Variants in IRX3 observed in about 807,000 individuals in gnomAD.
The protein encoded by IRX3 is iroquois homeobox 3, also known as iroquois-class homeodomain protein IRX-3.
A neutral mutation model predicts 36.4 loss-of-function variants in IRX3; 20 were observed. The observed-to-expected ratio is 0.55, with a 90% CI of 0.39 to 0.80. IRX3 has a LOEUF of 0.80. Among genes scored for constraint, IRX3 ranks in the 30% least tolerant of loss-of-function variants. The pLI is 0.00. For synonymous variants in IRX3, 404 were observed against 351.6 expected, an observed-to-expected ratio of 1.15 and a Z score of -1.67; for missense variants, 718 against 733.2, an observed-to-expected ratio of 0.98 and a Z score of 0.24.
chr16:54,285,261 C>T lies in IRX3; in HGVS notation c.620G>A (p.Gly207Glu). Residue 207 changes from glycine (G) to glutamate (E), a missense_variant, in exon 2 of 4, where the codon GGG (glycine) becomes GAG (glutamate). Physicochemically the swap from Gly to Glu is moderately conservative, Grantham distance 98 (BLOSUM62 -2). Transcript: ENST00000329734. This position sits in a 1 kb window ranked among gnomAD's most constrained non-coding sequence, Gnocchi z 5.7. ...TTCGTCTTCCTCCTCGCGCTCGCTCCCATAAGCGTTTCCCTCCTCGTCAGT... is the reference window on the plus strand; with the variant it reads ...TTCGTCTTCCTCCTCGCGCTCGCTCTCATAAGCGTTTCCCTCCTCGTCAGT... ...SRTDEEGNAY[G>E]SEREEEDEEE... 6.2e-7 allele frequency: 1 copy of T among 1,613,996 alleles called. No individual in the cohort carries two copies. The highest frequency in any genetic ancestry group is 8.5e-7 in the Non-Finnish European group (1 of 1,179,972).
chr16:54,284,184 C>T lies in IRX3; in HGVS notation c.1451+62G>A. ...GGGGCAAAAGGCCGTGCGTGGTGCT[C>T]GGCGTCCTCTCCTTTCCCCGCCAGC... On this transcript the variant is annotated intron_variant, in intron 3 of 3. Transcript: ENST00000329734. This position sits in a 1 kb window ranked among gnomAD's most constrained non-coding sequence, Gnocchi z 4.0. 1 of 1,490,640 alleles carries T rather than the reference C, an allele frequency of 6.7e-7. No homozygotes were observed. The highest frequency in any genetic ancestry group is 2.3e-5 in the East Asian group (1 of 43,240). 92.3% of individuals were successfully genotyped at this position (1,490,640 alleles called of 1,614,324 possible). A position where few individuals can be genotyped will look rare whatever the true frequency, so the allele number is the denominator to read the frequency against.
rs200154451 is a variant in IRX3 at position 54,283,672 on chromosome 16, T to C, written c.*14A>G. The C allele has an allele frequency of 2.8e-5, 34 of 1,223,890 alleles. No homozygotes were observed. The East Asian group carries it at 7.0e-4, about 25-fold the overall frequency. 75.8% of individuals were successfully genotyped at this position (1,223,890 alleles called of 1,614,324 possible). A position where few individuals can be genotyped will look rare whatever the true frequency, so the allele number is the denominator to read the frequency against. On this transcript the variant is annotated 3_prime_UTR_variant, in exon 4 of 4. Coordinates refer to ENST00000329734, the MANE Select transcript of IRX3 (RefSeq NM_024336.3). The surrounding 1 kb of genome is among the most constrained non-coding windows in gnomAD (Gnocchi z 4.4). ...AAAAAAAGTTTTTTTTGTTTTTTTG[T>C]TTTTTTTAAAGAACTAGGATGAGGA...
In IRX3 at chr16:54,285,687, C is replaced by T. The variant is rs1002416632; in HGVS notation, c.268-74G>A. 3.2e-4 allele frequency: 472 copies of T among 1,460,024 alleles called. No individual in the cohort carries two copies. The highest frequency in any genetic ancestry group is 4.2e-4 in the Middle Eastern group (2 of 4,802). The allele number at this position is 1,460,024 out of a possible 1,614,324, so 90.4% of individuals were successfully genotyped here. A position where few individuals can be genotyped will look rare whatever the true frequency, so the allele number is the denominator to read the frequency against. On this transcript the variant is annotated intron_variant, in intron 1 of 3. Transcript: ENST00000329734. The surrounding 1 kb of genome is among the most constrained non-coding windows in gnomAD (Gnocchi z 5.7). ...GAGCCCCAGCCATCGCTGCCTCCCC[C>T]CTCCTGGCCTGCACCCCTCTAGTCC...
At position 54,283,654 on chromosome 16, in the gene IRX3, GT is replaced by G. The variant is rs202000036; in HGVS notation, c.*31del. 1.9e-5 allele frequency: 20 copies of G among 1,041,482 alleles called. No homozygotes were observed. The highest frequency in any genetic ancestry group is 9.8e-5 in the Admixed American group (5 of 51,016). 64.5% of individuals were successfully genotyped at this position (1,041,482 alleles called of 1,614,324 possible). On this transcript the variant is annotated 3_prime_UTR_variant, in exon 4 of 4. Transcript: ENST00000329734. This position sits in a 1 kb window ranked among gnomAD's most constrained non-coding sequence, Gnocchi z 4.4. Reference sequence around the variant, plus strand: ...ACAATTATTACAACGATTAAAAAAAGTTTTTTTTGTTTTTTTGTTTTTTTTA... The same window carrying G: ...ACAATTATTACAACGATTAAAAAAAGTTTTTTTGTTTTTTTGTTTTTTTTA...
At position 54,283,974 on chromosome 16, in the gene IRX3, C is replaced by G. The variant is rs1422122815; in HGVS notation, c.1452-234G>C. The G allele has an allele frequency of 6.9e-7, 1 of 1,439,064 alleles. No homozygotes were observed. The highest frequency in any genetic ancestry group is 9.1e-7 in the Non-Finnish European group (1 of 1,101,066). The allele number at this position is 1,439,064 out of a possible 1,614,324, so 89.1% of individuals were successfully genotyped here. A position where few individuals can be genotyped will look rare whatever the true frequency, so the allele number is the denominator to read the frequency against. On this transcript the variant is annotated intron_variant, in intron 3 of 3. Coordinates refer to ENST00000329734, the MANE Select transcript of IRX3 (RefSeq NM_024336.3). The surrounding 1 kb of genome is among the most constrained non-coding windows in gnomAD (Gnocchi z 4.4). ...GGGCGTCAGAGAACCGCCACCCGCC[C>G]CAGGGGCCTGTGGGCCCAGCCACGC...
Sources: allele counts gnomAD v4.1 joint callset, GRCh38; gene constraint gnomAD v4.1.1; non-coding constraint Gnocchi (gnomAD v3.1); transcripts MANE v1.5; gene names NCBI Gene and HGNC (gene_info 2026-07-23, HGNC 2026-07-21).